The following TULP4 variants were observed in gnomAD, a reference collection of about 807,000 sequenced individuals.
TULP4 encodes tubby-related protein 4.
In TULP4, 16 loss-of-function variants were observed where a neutral mutation model predicts 129.0. The ratio of observed to expected loss-of-function variants is 0.12; its 90% confidence interval spans 0.08 to 0.19. The LOEUF is 0.19. Ranked by LOEUF, TULP4 falls within the 10% of genes least tolerant of loss-of-function variation. The pLI, the probability that TULP4 is intolerant of heterozygous loss-of-function variation, is 1.00. For missense variants in TULP4, 1,842 were observed against 2,059.1 expected, an observed-to-expected ratio of 0.89 and a Z score of 2.04; for synonymous variants, 998 against 854.0, an observed-to-expected ratio of 1.17 and a Z score of -2.94.
intron 1 of TULP4, among the ~76,000 whole-genome samples, chr6:158,246,859 A>G (rs1193618807): frequency 1.3e-5 from 2 of 152,214 alleles, no homozygotes; most frequent in East Asian, 1.9e-4. Flanking sequence ...GAAATGTAGT[A>G]TTTATGGAAA....
At position 158,413,134 on chromosome 6, in the gene TULP4, G is replaced by T; in HGVS notation, c.322G>T (p.Val108Leu). Residue 108 changes from valine (V) to leucine (L), a missense_variant, in exon 2 of 14, where the codon GTG becomes TTG. Val to Leu is a conservative substitution (Grantham distance 32, BLOSUM62 1). Transcript: ENST00000367097. This position sits in a 1 kb window ranked among gnomAD's most constrained non-coding sequence, Gnocchi z 4.9. Reference sequence around the variant, plus strand: ...GTGCGATGCGGACGGAGGCATATTCGTGTGGATTCAGTACGAGGGCAGGTG... The same window carrying T: ...GTGCGATGCGGACGGAGGCATATTCTTGTGGATTCAGTACGAGGGCAGGTG... ...ATCDADGGIF[V>L]WIQYEGRWSV... The T allele has an allele frequency of 6.2e-7, 1 of 1,613,936 alleles. No individual in the cohort carries two copies.
rs555363400 is a variant in TULP4, at chr6:158,398,747, T to G, written c.253-14318T>G. 5.9e-5 allele frequency among the ~76,000 whole-genome samples: 9 copies of G among 152,366 alleles called. No homozygotes were observed. The East Asian group carries it at 1.7e-3, about 29-fold the overall frequency. ...CTTCTGTAAGAACCACCACTATAGA[T>G]TCAATAAAACTGTTTTCCATTAATA... is the stretch of plus-strand genomic sequence containing the variant. On this transcript the variant is annotated intron_variant, in intron 1 of 13. Transcript: ENST00000367097.
chr6:158,435,708 C>G (rs1392200167), intron 3 of TULP4, among the ~76,000 whole-genome samples: 2 of 152,136 alleles, frequency 1.3e-5, no homozygotes, highest in African/African-American at 2.4e-5. Flanking sequence ...GACACCATCA[C>G]CGTCACCACC....
intron 1 of TULP4, among the ~76,000 whole-genome samples, chr6:158,286,585 C>G (rs540354986): frequency 6.6e-6 from 1 of 152,210 alleles, no homozygotes; most frequent in African/African-American, 2.4e-5. Flanking sequence ...TCTTGTATTC[C>G]TAGTAAATTT....
chr6:158,343,575 T>TA (rs1204123972), intron 1 of TULP4, among the ~76,000 whole-genome samples: 3 of 152,108 alleles, frequency 2.0e-5, no homozygotes, highest in Admixed American at 6.5e-5. Flanking sequence ...CACATGAGGA[T>TA]ACAAGGAGAA....
intron 1 of TULP4, chr6:158,242,509 G>A (rs1272498975): frequency 7.7e-6 from 6 of 777,826 alleles, no homozygotes; most frequent in Middle Eastern, 2.4e-4. Context: ...TCTGTCTGCC[G>A]GTTGGTACTT....
intron 6 of TULP4, among the ~76,000 whole-genome samples, chr6:158,474,202 A>C (rs1779759819): frequency 6.6e-6 from 1 of 152,196 alleles, no homozygotes; most frequent in Admixed American, 6.5e-5. Context: ...CATTTTCTTC[A>C]AGACAGATCC....
intron 1 of TULP4, among the ~76,000 whole-genome samples, chr6:158,387,582 A>G (rs1330284558): frequency 6.6e-6 from 1 of 152,214 alleles, no homozygotes; most frequent in African/African-American, 2.4e-5. Flanking sequence ...TCCATCATCC[A>G]AGGCATGTTC....
rs1777968852 is a variant in TULP4, at chr6:158,405,918, C to T, written c.253-7147C>T. Among the ~76,000 whole-genome samples the T allele has an allele frequency of 2.0e-5, 3 of 152,326 alleles. No homozygotes were observed. The South Asian group carries it at 6.2e-4, about 32-fold the overall frequency. ...TTATTTTCTTTCCTCAGAACCAGAA[C>T]TAATTGATACAGTTGTTTTCTAGGA... On this transcript the variant is annotated intron_variant, in intron 1 of 13. Transcript: ENST00000367097.
chr6:158,506,357 G>A (rs891731523), intron 13 of TULP4, among the ~76,000 whole-genome samples: 5 of 141,296 alleles, frequency 3.5e-5, no homozygotes, highest in Middle Eastern at 4.2e-3. Context: ...TCAGCCTCCC[G>A]AGTAGCTGGG....
In TULP4 at chr6:158,507,332, G is replaced by T. The variant is rs946673561; in HGVS notation, c.*638G>T. 1 of 153,942 alleles carries T rather than the reference G, an allele frequency of 6.5e-6. No individual in the cohort carries two copies. Among genetic ancestry groups the T allele is most frequent in the Non-Finnish European group, 1.4e-5 (1 of 69,250 alleles). The allele number at this position is 153,942 out of a possible 1,614,324, so 9.5% of individuals were successfully genotyped here. On this transcript the variant is annotated 3_prime_UTR_variant, in exon 14 of 14. Transcript: ENST00000367097. ...TGCTCACTGAGGATGTTGGGGAAGG[G>T]ACGAAGGGTAAAGAAGAAACTGCAC...
chr6:158,341,003 T>G (rs1474420123), intron 1 of TULP4, among the ~76,000 whole-genome samples: 2 of 152,194 alleles, frequency 1.3e-5, no homozygotes, highest in Non-Finnish European at 2.9e-5. Context: ...ATTTTCCTAG[T>G]ATGCTACTGA....
intron 1 of TULP4, among the ~76,000 whole-genome samples, chr6:158,361,513 G>C (rs546652461): frequency 2.0e-5 from 3 of 152,120 alleles, no homozygotes; most frequent in Non-Finnish European, 2.9e-5. Flanking sequence ...TTTTTATGAC[G>C]TTTTTCTTAA....
chr6:158,377,729 G>A (rs11752707), intron 1 of TULP4, among the ~76,000 whole-genome samples: 27,928 of 152,096 alleles, frequency 0.18, 3,223 homozygotes, highest in Non-Finnish European at 0.26. Context: ...GGTCTACCAC[G>A]TACTAGGACT....
Position 158,313,863 on chromosome 6 carries a change from C to T in TULP4, c.-154C>T, listed in dbSNP as rs1448372242. 5 of 786,110 alleles carry T rather than the reference C, an allele frequency of 6.4e-6. No homozygotes were observed. The highest frequency in any genetic ancestry group is 5.9e-6 in the Non-Finnish European group (3 of 510,100). 48.7% of individuals were successfully genotyped at this position (786,110 alleles called of 1,614,324 possible). A position where few individuals can be genotyped will look rare whatever the true frequency, so the allele number is the denominator to read the frequency against. On this transcript the variant is annotated 5_prime_UTR_variant, in exon 1 of 14. Transcript: ENST00000367097. ...GCATTCGGTGGATCTTTATAAAATA[C>T]TGACCTTCTAATTAGATTCAGGTCA...
rs1036623007 is a variant in TULP4, at chr6:158,237,998, A to G, written n.68+5695A>G. ...TTTGCAGCTTCTTTTATCAAGGACA[A>G]ATGAGCAGGAGATTTGAGCTGATGG... On this transcript the variant is annotated intron_variant and non_coding_transcript_variant, in intron 1 of 1. Coordinates refer to the TULP4 transcript ENST00000620026. 1.2e-5 allele frequency: 9 copies of G among 720,450 alleles called. No individual in the cohort carries two copies. The African/African-American group carries it at 1.6e-4, about 13-fold the overall frequency. 44.6% of individuals were successfully genotyped at this position (720,450 alleles called of 1,614,324 possible).
At chr6:158,242,987 C>T (rs918214242) in intron 1 of TULP4, among the ~76,000 whole-genome samples, 2 of 152,160 alleles carry the variant, frequency 1.3e-5, no homozygotes, top group Middle Eastern at 3.2e-3. Flanking sequence ...CAGGGTTTCA[C>T]TATGTTGGCT....
At chr6:158,417,584 C>A (rs1345543571) in intron 2 of TULP4, among the ~76,000 whole-genome samples, 1 of 152,174 alleles carries the variant, frequency 6.6e-6, no homozygotes, top group African/African-American at 2.4e-5. Context: ...GGAGTCAGAT[C>A]TTACCCGACT....
At chr6:158,338,468 A>C (rs1234137400) in intron 1 of TULP4, among the ~76,000 whole-genome samples, 1 of 152,212 alleles carries the variant, frequency 6.6e-6, no homozygotes, top group Non-Finnish European at 1.5e-5. Context: ...ATTGAAGTGC[A>C]TGTCTCAGTC....
Sources: gnomAD v4.1 joint callset for allele counts (sites outside exome capture counted in the v4.1 genomes callset) on GRCh38, gnomAD v4.1.1 for gene constraint, Gnocchi (gnomAD v3.1) non-coding constraint, MANE v1.5 for transcripts, NCBI Gene and HGNC (gene_info 2026-07-23, HGNC 2026-07-21) for gene names.